The following ARFGEF3 variants were observed in gnomAD, a reference collection of about 807,000 sequenced individuals.
ARFGEF3 encodes brefeldin A-inhibited guanine nucleotide-exchange protein 3.
ARFGEF3 carries 96 observed loss-of-function variants against 221.7 expected under a neutral mutation model. That is an observed-to-expected ratio of 0.43 (90% confidence interval 0.37 to 0.51). The LOEUF is 0.51. ARFGEF3 is among the 20% of genes least tolerant of loss of function. The pLI is 0.00. For missense variants in ARFGEF3, 2,410 were observed against 2,789.9 expected (o/e 0.86, Z 3.07); for synonymous variants, 1,145 against 1,126.8 (o/e 1.02, Z -0.32).
chr6:138,321,260 G>A (rs1399202909), intron 29 of ARFGEF3, 35 bp downstream of exon 29: 6 of 1,149,198 alleles, frequency 5.2e-6, no homozygotes, highest in African/African-American at 1.6e-5. Flanking sequence ...CCACAAAGCT[G>A]GAGTTTTTAT....
chr6:138,287,269 C>A (rs1779315593), intron 17 of ARFGEF3, 85 bp downstream of exon 17: 2 of 991,406 alleles, frequency 2.0e-6, no homozygotes, highest in South Asian at 2.9e-5. Flanking sequence ...CCAGCCAACA[C>A]TCGTGCCTGT....
At chr6:138,255,065 G>T (rs913081624) in intron 9 of ARFGEF3, among the ~76,000 whole-genome samples, 2 of 152,178 alleles carry the variant, frequency 1.3e-5, no homozygotes, top group Non-Finnish European at 2.9e-5. Context: ...TCGACAGGAA[G>T]GAAGCCAAAT....
At chr6:138,168,525 A>G (rs1182181329) in intron 1 of ARFGEF3, among the ~76,000 whole-genome samples, 1 of 152,180 alleles carries the variant, frequency 6.6e-6, no homozygotes, top group African/African-American at 2.4e-5. Flanking sequence ...CTGGGTCTTG[A>G]CAGGGTCTCT....
chr6:138,337,710 C>A lies in ARFGEF3; in HGVS notation c.*1224C>A, dbSNP rs1027883739. On this transcript the variant is annotated 3_prime_UTR_variant, in exon 34 of 34. Transcript: ENST00000251691. ...TATGTTTGATGTCTTTGCATTCAGA[C>A]CAATATTTCAGGTGGATATTTCTAA... 1 of 152,184 alleles carries A rather than the reference C, an allele frequency of 6.6e-6. No homozygotes were observed. The highest frequency in any genetic ancestry group is 2.1e-4 in the South Asian group (1 of 4,806). The allele number at this position is 152,184 out of a possible 1,614,324, so 9.4% of individuals were successfully genotyped here.
chr6:138,212,293 C>G (rs1178498069), intron 4 of ARFGEF3, among the ~76,000 whole-genome samples: 4 of 152,188 alleles, frequency 2.6e-5, no homozygotes, highest in Middle Eastern at 3.2e-3. Flanking sequence ...TTTGGGAGGC[C>G]AAGGCAGGGG....
intron 32 of ARFGEF3, among the ~76,000 whole-genome samples, chr6:138,333,150 C>T (rs887345781): frequency 6.6e-6 from 1 of 152,110 alleles, no homozygotes; most frequent in Admixed American, 6.5e-5. Context: ...AAACTGTAAA[C>T]CAAAACCACA....
At chr6:138,321,313 G>A (rs187531318) in intron 29 of ARFGEF3, 88 bp downstream of exon 29, 2 of 727,154 alleles carry the variant, frequency 2.8e-6, no homozygotes, top group Admixed American at 3.0e-5. Context: ...GGTAGGAATC[G>A]ACTTTTTGGA....
At chr6:138,233,457 A>G (rs1167026914) in intron 5 of ARFGEF3, among the ~76,000 whole-genome samples, 3 of 152,110 alleles carry the variant, frequency 2.0e-5, no homozygotes, top group African/African-American at 7.2e-5. Flanking sequence ...GCTCACTGCA[A>G]CCTACGCCTC....
At chr6:138,269,948 C>T (rs1354285401) in intron 12 of ARFGEF3, among the ~76,000 whole-genome samples, 2 of 152,190 alleles carry the variant, frequency 1.3e-5, no homozygotes, top group Non-Finnish European at 2.9e-5. Flanking sequence ...CTGCTCTACT[C>T]TTGTTAATAG....
At position 138,337,946 on chromosome 6, in the gene ARFGEF3, A is replaced by G. The variant is rs1008611910; in HGVS notation, c.*1460A>G. 1 of 152,228 alleles carries G rather than the reference A, an allele frequency of 6.6e-6. No homozygotes were observed. The allele number at this position is 152,228 out of a possible 1,614,324, so 9.4% of individuals were successfully genotyped here. A position where few individuals can be genotyped will look rare whatever the true frequency, so the allele number is the denominator to read the frequency against. ...TAAGACACAAATTCTACAGTATTGA[A>G]ATAAGGATTTAAAGGGGTATTTGTA... is the stretch of plus-strand genomic sequence containing the variant. On this transcript the variant is annotated 3_prime_UTR_variant, in exon 34 of 34. Transcript: ENST00000251691.
Position 138,343,087 on chromosome 6 carries a change from ACT to A in ARFGEF3, c.*6603_*6604del, listed in dbSNP as rs1261183367. 3 of 152,118 alleles carry A rather than the reference ACT, an allele frequency of 2.0e-5. No homozygotes were observed. Among genetic ancestry groups the A allele is most frequent in the African/African-American group, 7.2e-5 (3 of 41,430 alleles). The allele number at this position is 152,118 out of a possible 1,614,324, so 9.4% of individuals were successfully genotyped here. Reference sequence around the variant, plus strand: ...TTGGGAATTCAGTGAAATCATGTTAACTCATATAGAGGGGGCCTTAGTTTATC... The same window carrying A: ...TTGGGAATTCAGTGAAATCATGTTAACATATAGAGGGGGCCTTAGTTTATC... On this transcript the variant is annotated 3_prime_UTR_variant, in exon 34 of 34. Coordinates refer to ENST00000251691, the MANE Select transcript of ARFGEF3 (RefSeq NM_020340.5).
chr6:138,281,048 A>G (rs962167337), intron 14 of ARFGEF3, among the ~76,000 whole-genome samples: 1 of 152,184 alleles, frequency 6.6e-6, no homozygotes, highest in African/African-American at 2.4e-5. Flanking sequence ...ATAGTAAACT[A>G]TGTGCGTATA....
intron 32 of ARFGEF3, among the ~76,000 whole-genome samples, chr6:138,330,441 TATG>T (rs1483400876): frequency 6.6e-6 from 1 of 150,846 alleles, no homozygotes; most frequent in African/African-American, 2.5e-5. Flanking sequence ...CCACCCAGTC[TATG>T]GTATTTGTTA....
chr6:138,327,153 C>T (rs1382808490), intron 31 of ARFGEF3, among the ~76,000 whole-genome samples: 1 of 152,150 alleles, frequency 6.6e-6, no homozygotes, highest in Non-Finnish European at 1.5e-5. Flanking sequence ...CTAATGCATG[C>T]TAGGCTTAAT....
At chr6:138,190,170 C>T (rs10214764) in intron 2 of ARFGEF3, among the ~76,000 whole-genome samples, 3,795 of 142,798 alleles carry the variant, frequency 0.027, 168 homozygotes, top group African/African-American at 0.088. Context: ...TAGAGGATTT[C>T]GCAAGGATGT....
intron 14 of ARFGEF3, among the ~76,000 whole-genome samples, chr6:138,281,063 G>A (rs1779188383): frequency 6.6e-6 from 1 of 152,162 alleles, no homozygotes. Flanking sequence ...CGTATACAGG[G>A]AGGTAAAGGA....
intron 4 of ARFGEF3, among the ~76,000 whole-genome samples, chr6:138,228,448 A>G (rs1778132382): frequency 6.6e-6 from 1 of 151,776 alleles, no homozygotes; most frequent in Non-Finnish European, 1.5e-5. Flanking sequence ...CAGCTTTGCA[A>G]AGTGCTGGGA....
At chr6:138,175,719 C>G (rs1317646325) in intron 2 of ARFGEF3, among the ~76,000 whole-genome samples, 4 of 152,310 alleles carry the variant, frequency 2.6e-5, no homozygotes, top group African/African-American at 9.6e-5. Context: ...GAATATTCTG[C>G]AGTTGTTGAG....
At chr6:138,219,920 G>A (rs893469205) in intron 4 of ARFGEF3, among the ~76,000 whole-genome samples, 1 of 152,092 alleles carries the variant, frequency 6.6e-6, no homozygotes, top group Admixed American at 6.5e-5. Context: ...ACTGATTCTT[G>A]TATACTGATT....
Sources: gnomAD v4.1 joint callset for allele counts (sites outside exome capture counted in the v4.1 genomes callset) on GRCh38, gnomAD v4.1.1 for gene constraint, MANE v1.5 for transcripts, NCBI Gene and HGNC (gene_info 2026-07-23, HGNC 2026-07-21) for gene names.